Variants in NRG3 observed in about 807,000 individuals in gnomAD.
NRG3 encodes the protein pro-neuregulin-3, membrane-bound isoform.
NRG3 carries 31 observed loss-of-function variants against 66.9 expected under a neutral mutation model. The observed-to-expected ratio is 0.46, with a 90% confidence interval of 0.35 to 0.63. The LOEUF is 0.63. Ranked by LOEUF, NRG3 falls within the 20% of genes least tolerant of loss-of-function variation. The pLI is 0.00. For missense variants in NRG3, 910 were observed against 878.9 expected, an observed-to-expected ratio of 1.04 and a Z score of -0.45; for synonymous variants, 393 against 359.4, an observed-to-expected ratio of 1.09 and a Z score of -1.06.
intron 1 of NRG3, among the ~76,000 whole-genome samples, chr10:82,023,800 G>T (rs76040048): frequency 0.013 from 1,954 of 152,088 alleles, 47 homozygotes; most frequent in African/African-American, 0.045. Flanking sequence ...AGGAGTATTG[G>T]CTTGTAGTTT....
chr10:82,505,366 C>T (rs1590384984), intron 2 of NRG3, among the ~76,000 whole-genome samples: 1 of 152,206 alleles, frequency 6.6e-6, no homozygotes, highest in African/African-American at 2.4e-5. Flanking sequence ...CATGTGGCAT[C>T]CAGAGAACCT....
At chr10:82,152,005 C>T (rs1457613501) in intron 1 of NRG3, among the ~76,000 whole-genome samples, 1 of 152,142 alleles carries the variant, frequency 6.6e-6, no homozygotes, top group African/African-American at 2.4e-5. Context: ...GTGCCTGGGA[C>T]AGGGAGAATA....
intron 2 of NRG3, among the ~76,000 whole-genome samples, chr10:82,714,514 T>A (rs567723472): frequency 6.6e-6 from 1 of 152,358 alleles, no homozygotes; most frequent in Admixed American, 6.5e-5. Context: ...TTTCTGCTTC[T>A]GATGATCAAA....
chr10:81,970,003 T>A (rs2059871391), intron 1 of NRG3, among the ~76,000 whole-genome samples: 1 of 152,224 alleles, frequency 6.6e-6, no homozygotes, highest in Non-Finnish European at 1.5e-5. Flanking sequence ...ATTGCTTCTA[T>A]CATAGTGTAA....
At chr10:82,817,285 C>A (rs2061752875) in intron 3 of NRG3, among the ~76,000 whole-genome samples, 1 of 152,158 alleles carries the variant, frequency 6.6e-6, no homozygotes, top group African/African-American at 2.4e-5. Context: ...AGCAAAATTA[C>A]CATTTAATAG....
intron 4 of NRG3, among the ~76,000 whole-genome samples, chr10:82,933,542 C>T (rs752360951): frequency 4.6e-5 from 7 of 152,146 alleles, no homozygotes; most frequent in Non-Finnish European, 1.0e-4. Flanking sequence ...GTCCATTCGC[C>T]AGCTAGATTG....
At chr10:82,242,472 T>C (rs2077048328) in intron 1 of NRG3, among the ~76,000 whole-genome samples, 2 of 152,194 alleles carry the variant, frequency 1.3e-5, no homozygotes, top group Admixed American at 1.3e-4. Context: ...TATTTTCTCT[T>C]TGAGTAACCA....
At chr10:82,823,205 C>T (rs535013590) in intron 3 of NRG3, among the ~76,000 whole-genome samples, 8 of 152,222 alleles carry the variant, frequency 5.3e-5, no homozygotes, top group East Asian at 3.9e-4. Context: ...AGGGCAAGTA[C>T]GAATGGTGTT....
At chr10:82,533,504 A>T (rs1243537445) in intron 2 of NRG3, among the ~76,000 whole-genome samples, 1 of 135,382 alleles carries the variant, frequency 7.4e-6, no homozygotes, top group Non-Finnish European at 1.5e-5. Context: ...CTTCTTTTGC[A>T]TGGGAATTAT....
chr10:82,173,586 G>A (rs2072797744), intron 1 of NRG3, among the ~76,000 whole-genome samples: 1 of 151,770 alleles, frequency 6.6e-6, no homozygotes, highest in South Asian at 2.1e-4. Context: ...ACAATTACAG[G>A]TGAGCAAGCA....
intron 2 of NRG3, among the ~76,000 whole-genome samples, chr10:82,662,799 G>A (rs771213343): frequency 3.1e-4 from 47 of 152,280 alleles, no homozygotes; most frequent in Non-Finnish European, 5.7e-4. Context: ...TGAGGTAAGA[G>A]TCAACAGCAG....
At chr10:82,172,420 A>G (rs1200862072) in intron 1 of NRG3, among the ~76,000 whole-genome samples, 2 of 152,178 alleles carry the variant, frequency 1.3e-5, no homozygotes, top group African/African-American at 4.8e-5. Flanking sequence ...TAATGTGGAC[A>G]ATGAACCCCA....
Position 81,875,221 on chromosome 10 carries a change from T to C in NRG3, c.-120T>C, listed in dbSNP as rs1467810215. On this transcript the variant is annotated 5_prime_UTR_variant, in exon 1 of 9. Transcript: ENST00000372141. The surrounding 1 kb of genome is among the most constrained non-coding windows in gnomAD (Gnocchi z 5.3). ...ATTTGCATGCGGCCGCCGCGGCCGCTGCCTGCGCCCGAGCCCGCCGCCGCC... is the reference window on the plus strand; with the variant it reads ...ATTTGCATGCGGCCGCCGCGGCCGCCGCCTGCGCCCGAGCCCGCCGCCGCC... The C allele has an allele frequency of 1.7e-5, 8 of 461,062 alleles. No individual in the cohort carries two copies. Among genetic ancestry groups the C allele is most frequent in the Non-Finnish European group, 2.3e-5 (8 of 355,444 alleles). 28.6% of individuals were successfully genotyped at this position (461,062 alleles called of 1,614,324 possible). A position where few individuals can be genotyped will look rare whatever the true frequency, so the allele number is the denominator to read the frequency against.
intron 4 of NRG3, among the ~76,000 whole-genome samples, chr10:82,866,449 T>C (rs559651012): frequency 6.6e-6 from 1 of 152,326 alleles, no homozygotes. Flanking sequence ...GAGAGTTAAT[T>C]AGAAATTTGT....
At chr10:81,944,942 C>A (rs571984451) in intron 1 of NRG3, among the ~76,000 whole-genome samples, 12 of 152,232 alleles carry the variant, frequency 7.9e-5, no homozygotes, top group Admixed American at 7.9e-4. Flanking sequence ...CCTCAACCAC[C>A]ACTTCCCAGC....
chr10:82,594,673 C>A (rs1162640999), intron 2 of NRG3, among the ~76,000 whole-genome samples: 1 of 151,926 alleles, frequency 6.6e-6, no homozygotes, highest in East Asian at 1.9e-4. Context: ...CAATTATTTC[C>A]TACATCTAGC....
At chr10:82,245,562 A>G (rs2077200087) in intron 1 of NRG3, among the ~76,000 whole-genome samples, 1 of 152,212 alleles carries the variant, frequency 6.6e-6, no homozygotes, top group Non-Finnish European at 1.5e-5. Context: ...GGGCAGTATC[A>G]TCTGGAATGG....
intron 2 of NRG3, among the ~76,000 whole-genome samples, chr10:82,721,307 ATT>A (rs796613736): frequency 1.5e-5 from 2 of 130,890 alleles, no homozygotes; most frequent in Non-Finnish European, 1.7e-5. Context: ...AATTTTTTGT[ATT>A]TTTTTTTTTT....
intron 7 of NRG3, among the ~76,000 whole-genome samples, chr10:82,976,007 T>C (rs754303036): frequency 2.6e-5 from 4 of 152,220 alleles, no homozygotes; most frequent in Non-Finnish European, 5.9e-5. Flanking sequence ...TTACGGCATG[T>C]CATATTTATT....
Sources: allele counts gnomAD v4.1 joint callset (sites outside exome capture counted in the v4.1 genomes callset), GRCh38; gene constraint gnomAD v4.1.1; non-coding constraint Gnocchi (gnomAD v3.1); transcripts MANE v1.5; gene names NCBI Gene and HGNC (gene_info 2026-07-23, HGNC 2026-07-21).